The following PPM1E variants were observed in gnomAD, a reference collection of about 807,000 sequenced individuals.
The protein encoded by PPM1E is protein phosphatase, Mg2+/Mn2+ dependent 1E, also known as protein phosphatase 1E.
PPM1E carries 20 observed loss-of-function variants against 65.9 expected under a neutral mutation model. That is an observed-to-expected ratio of 0.30 (90% CI 0.21 to 0.44). PPM1E has a LOEUF of 0.44. Ranked by LOEUF, PPM1E falls within the 20% of genes least tolerant of loss-of-function variation. The pLI is 1.00. For missense variants in PPM1E, 713 were observed against 953.1 expected (o/e 0.75, Z 3.32); for synonymous variants, 352 against 374.9 (o/e 0.94, Z 0.70).
intron 1 of PPM1E, among the ~76,000 whole-genome samples, chr17:58,901,558 G>C (rs1030790566): frequency 1.6e-4 from 25 of 152,146 alleles, no homozygotes; most frequent in African/African-American, 5.5e-4. Context: ...TGCGCCTGTA[G>C]TCCCAACTAC....
chr17:58,869,629 T>C (rs2051047456), intron 1 of PPM1E, among the ~76,000 whole-genome samples: 1 of 152,224 alleles, frequency 6.6e-6, no homozygotes, highest in Admixed American at 6.5e-5. Flanking sequence ...GTCTTCAGAA[T>C]TGTGAACCAA....
intron 1 of PPM1E, among the ~76,000 whole-genome samples, chr17:58,869,871 T>G (rs2051050614): frequency 6.6e-6 from 1 of 152,244 alleles, no homozygotes. Flanking sequence ...TTCTCTAATG[T>G]GCCTTTGCTA....
At chr17:58,884,405 C>T (rs1021360311) in intron 1 of PPM1E, among the ~76,000 whole-genome samples, 1 of 152,090 alleles carries the variant, frequency 6.6e-6, no homozygotes, top group Admixed American at 6.6e-5. Flanking sequence ...TCTCTTTGGT[C>T]GGCTAAGTCA....
chr17:58,921,991 G>A (rs1238154479), intron 1 of PPM1E, among the ~76,000 whole-genome samples: 38 of 150,492 alleles, frequency 2.5e-4, no homozygotes, highest in African/African-American at 9.1e-4. Flanking sequence ...AGTGAGCCGA[G>A]ATTGCACCAC....
rs966991538 is a variant in PPM1E at position 58,982,847 on chromosome 17, A to G, written c.*1816A>G. 1 of 1,476,354 alleles carries G rather than the reference A, an allele frequency of 6.8e-7. No individual in the cohort carries two copies. The highest frequency in any genetic ancestry group is 9.3e-7 in the Non-Finnish European group (1 of 1,076,162). 91.5% of individuals were successfully genotyped at this position (1,476,354 alleles called of 1,614,324 possible). A position where few individuals can be genotyped will look rare whatever the true frequency, so the allele number is the denominator to read the frequency against. On this transcript the variant is annotated 3_prime_UTR_variant, in exon 7 of 7. Coordinates refer to ENST00000308249, the MANE Select transcript of PPM1E (RefSeq NM_014906.5). Reference sequence around the variant, plus strand: ...AGGCTTTGCCCCACACATGGTCCTCACTCATATCTGTCACCTTCTGAAGCC... The same window carrying G: ...AGGCTTTGCCCCACACATGGTCCTCGCTCATATCTGTCACCTTCTGAAGCC...
chr17:58,850,591 G>T (rs2050817035), intron 1 of PPM1E, among the ~76,000 whole-genome samples: 1 of 152,188 alleles, frequency 6.6e-6, no homozygotes, highest in South Asian at 2.1e-4. Flanking sequence ...CTGTAAGAAT[G>T]TTGAATATTG....
intron 1 of PPM1E, among the ~76,000 whole-genome samples, chr17:58,783,419 A>G (rs1261609935): frequency 6.6e-6 from 1 of 152,226 alleles, no homozygotes; most frequent in Non-Finnish European, 1.5e-5. Flanking sequence ...TGAATCAGCC[A>G]TAAGATTTGC....
chr17:58,834,218 C>G (rs1298678731), intron 1 of PPM1E, among the ~76,000 whole-genome samples: 5 of 151,888 alleles, frequency 3.3e-5, no homozygotes, highest in African/African-American at 1.2e-4. Flanking sequence ...GCATTGTTGA[C>G]TTGTTTGCCC....
chr17:58,797,926 G>A (rs1378763215), intron 1 of PPM1E, among the ~76,000 whole-genome samples: 1 of 152,178 alleles, frequency 6.6e-6, no homozygotes, highest in Non-Finnish European at 1.5e-5. Flanking sequence ...AGTGACACTT[G>A]TGTATTGAGG....
intron 1 of PPM1E, among the ~76,000 whole-genome samples, chr17:58,920,758 T>C (rs538868398): frequency 6.6e-6 from 1 of 151,806 alleles, no homozygotes; most frequent in South Asian, 2.1e-4. Flanking sequence ...GAATGAGAGG[T>C]TTGGACCAGA....
At chr17:58,778,535 A>G (rs2050017674) in intron 1 of PPM1E, among the ~76,000 whole-genome samples, 1 of 149,424 alleles carries the variant, frequency 6.7e-6, no homozygotes, top group African/African-American at 2.5e-5. Context: ...TCAGCCTCCC[A>G]AATAGCTGGG....
chr17:58,805,029 C>A (rs2050292210), intron 1 of PPM1E, among the ~76,000 whole-genome samples: 1 of 152,104 alleles, frequency 6.6e-6, no homozygotes, highest in African/African-American at 2.4e-5. Context: ...CCTCCCACCC[C>A]CCACCATACC....
intron 1 of PPM1E, among the ~76,000 whole-genome samples, chr17:58,837,260 T>TA (rs57058929): frequency 0.19 from 12,862 of 66,358 alleles, 1,273 homozygotes; most frequent in Non-Finnish European, 0.24. Context: ...TTAAAAAAAT[T>TA]AAAAAAAAAA....
intron 1 of PPM1E, among the ~76,000 whole-genome samples, chr17:58,809,377 C>T (rs1015749951): frequency 1.3e-5 from 2 of 152,158 alleles, no homozygotes; most frequent in African/African-American, 4.8e-5. Flanking sequence ...GTGTGAACCA[C>T]TGTACCTGGC....
chr17:58,878,096 A>G (rs1301678338), intron 1 of PPM1E, among the ~76,000 whole-genome samples: 1 of 152,256 alleles, frequency 6.6e-6, no homozygotes, highest in Non-Finnish European at 1.5e-5. Context: ...TAACAAAAGA[A>G]AGAGTGGCTT....
chr17:58,904,169 G>A (rs1297478997), intron 1 of PPM1E, among the ~76,000 whole-genome samples: 2 of 152,094 alleles, frequency 1.3e-5, no homozygotes, highest in Non-Finnish European at 2.9e-5. Context: ...TACTATGAAA[G>A]TATAGAAGTT....
At chr17:58,774,185 A>G (rs1274713748) in intron 1 of PPM1E, among the ~76,000 whole-genome samples, 4 of 144,706 alleles carry the variant, frequency 2.8e-5, no homozygotes, top group African/African-American at 7.4e-5. Context: ...AAAACATTAT[A>G]GGTAATTATG....
At chr17:58,921,762 C>T (rs1453263893) in intron 1 of PPM1E, among the ~76,000 whole-genome samples, 6 of 146,128 alleles carry the variant, frequency 4.1e-5, no homozygotes, top group Admixed American at 3.4e-4. Context: ...AGAGTGTGGC[C>T]GGGCACGGTG....
chr17:58,792,621 C>CT (rs1232748720), intron 1 of PPM1E, among the ~76,000 whole-genome samples: 1 of 151,504 alleles, frequency 6.6e-6, no homozygotes, highest in Non-Finnish European at 1.5e-5. Flanking sequence ...AATGCTGGGA[C>CT]TACAAGCGTG....
Sources: allele counts gnomAD v4.1 joint callset (sites outside exome capture counted in the v4.1 genomes callset), GRCh38; gene constraint gnomAD v4.1.1; transcripts MANE v1.5; gene names NCBI Gene and HGNC (gene_info 2026-07-23, HGNC 2026-07-21).